The following TENM2 variants were observed in gnomAD, a reference collection of about 807,000 sequenced individuals.
TENM2 encodes the protein teneurin transmembrane protein 2.
Under a neutral mutation model 245.2 loss-of-function variants are expected in TENM2, and 52 were observed. The observed-to-expected ratio is 0.21, with a 90% CI of 0.17 to 0.27. The LOEUF (loss-of-function observed/expected upper bound fraction) is 0.27. Among genes scored for constraint, TENM2 ranks in the 10% least tolerant of loss-of-function variants. TENM2 has a pLI of 1.00. For missense variants in TENM2, 3,046 were observed against 3,666.8 expected (o/e 0.83, Z 4.37); for synonymous variants, 1,363 against 1,438.9 (o/e 0.95, Z 1.19).
At chr5:168,047,118 G>A (rs376503227) in intron 5 of TENM2, among the ~76,000 whole-genome samples, 9 of 152,130 alleles carry the variant, frequency 5.9e-5, no homozygotes, top group East Asian at 1.9e-4. Context: ...ACAGTGATTC[G>A]AAAGGGCCAT....
intron 1 of TENM2, among the ~76,000 whole-genome samples, chr5:167,345,577 A>G (rs913644053): frequency 1.3e-5 from 2 of 152,208 alleles, no homozygotes; most frequent in African/African-American, 4.8e-5. Flanking sequence ...GAATACTTGA[A>G]GAGAGATATG....
rs531420566 is a variant in TENM2, at chr5:168,130,913, T to A, written c.2422+3947T>A. ...TCAAAAAAAATACTGGTACCTAACA[T>A]CAAAAGGCCATGCAAAGCCTGTAAC... On this transcript the variant is annotated intron_variant, in intron 12 of 28. Transcript: ENST00000518659. Among the ~76,000 whole-genome samples the A allele has an allele frequency of 4.6e-5, 7 of 152,022 alleles. No homozygotes were observed. The South Asian group carries it at 1.3e-3, about 27-fold the overall frequency.
intron 2 of TENM2, among the ~76,000 whole-genome samples, chr5:167,514,384 C>T (rs895621436): frequency 6.6e-6 from 1 of 152,130 alleles, no homozygotes; most frequent in Non-Finnish European, 1.5e-5. Flanking sequence ...TCTCTGCTGT[C>T]ATATTAATTT....
chr5:167,782,112 G>C (rs749378621), intron 2 of TENM2, among the ~76,000 whole-genome samples: 1 of 151,816 alleles, frequency 6.6e-6, no homozygotes, highest in Non-Finnish European at 1.5e-5. Context: ...TTGGGAGTTC[G>C]AGACCAGCCT....
intron 5 of TENM2, among the ~76,000 whole-genome samples, chr5:167,996,037 A>G (rs1021609195): frequency 3.3e-5 from 5 of 152,142 alleles, no homozygotes; most frequent in African/African-American, 9.7e-5. Context: ...CAGGACCTTT[A>G]TGGGCAGGCA....
chr5:167,264,782 C>G, the TENM2 span, among the ~76,000 whole-genome samples: 1 of 152,138 alleles, frequency 6.6e-6, no homozygotes, highest in Non-Finnish European at 1.5e-5. Flanking sequence ...TTCTTCAGCA[C>G]TTTACACACT....
At chr5:167,648,929 T>C (rs61567681) in intron 2 of TENM2, among the ~76,000 whole-genome samples, 22,446 of 152,118 alleles carry the variant, frequency 0.15, 1,751 homozygotes, top group South Asian at 0.23. Flanking sequence ...CCCTCCCTAG[T>C]AGCGGCCCAG....
intron 2 of TENM2, among the ~76,000 whole-genome samples, chr5:167,825,628 C>T (rs1430032718): frequency 7.2e-5 from 11 of 152,174 alleles, no homozygotes; most frequent in Admixed American, 7.2e-4. Flanking sequence ...CCTCCCAGGA[C>T]AGACTTGCGA....
chr5:167,149,436 T>G, the TENM2 span, among the ~76,000 whole-genome samples: 1 of 151,542 alleles, frequency 6.6e-6, no homozygotes, highest in Non-Finnish European at 1.5e-5. Context: ...GTGGAATATT[T>G]TAAAGAAGAT....
rs112010521 is a variant in TENM2 at position 167,431,961 on chromosome 5, G to GTATATATA, written c.502+56498_502+56505dup. Among the ~76,000 whole-genome samples, 426 of 43,572 alleles carry GTATATATA rather than the reference G, an allele frequency of 9.8e-3. 9 individuals are homozygous for GTATATATA. Among genetic ancestry groups the GTATATATA allele is most frequent in the African/African-American group, 0.021 (415 of 19,730 alleles). The allele number at this position is 43,572 out of a possible 152,430, so 28.6% of individuals were successfully genotyped here. A position where few individuals can be genotyped will look rare whatever the true frequency, so the allele number is the denominator to read the frequency against. ...TATACATATATATGTATATATATAT[G>GTATATATA]TATATATATATATATATGGAAGTTC... On this transcript the variant is annotated intron_variant, in intron 2 of 28. Coordinates refer to ENST00000518659, the Ensembl canonical transcript of TENM2.
intron 1 of TENM2, among the ~76,000 whole-genome samples, chr5:167,351,150 GGATTATATATATATGGGATATATACATA>G (rs1758882699): frequency 7.6e-6 from 1 of 131,888 alleles, no homozygotes; most frequent in East Asian, 2.7e-4. Context: ...ATATACATAT[GGATTATATATATATGGGATATATACATA>G]TGGGATATAT....
At chr5:168,138,685 G>A (rs550451692) in intron 12 of TENM2, among the ~76,000 whole-genome samples, 2 of 152,294 alleles carry the variant, frequency 1.3e-5, no homozygotes, top group South Asian at 2.1e-4. Flanking sequence ...TCCATTTGCT[G>A]GTTTTAAGAA....
At chr5:167,136,951 T>A in the TENM2 span, among the ~76,000 whole-genome samples, 18 of 152,338 alleles carry the variant, frequency 1.2e-4, no homozygotes, top group Admixed American at 5.2e-4. Flanking sequence ...AATTTATTTC[T>A]CACAGTTCTA....
chr5:167,041,873 A>T, the TENM2 span, among the ~76,000 whole-genome samples: 2 of 152,124 alleles, frequency 1.3e-5, no homozygotes, highest in African/African-American at 4.8e-5. Flanking sequence ...GAAGGTAATT[A>T]GTCTGAGCCC....
chr5:168,046,320 C>T (rs183516521), intron 5 of TENM2, among the ~76,000 whole-genome samples: 109 of 152,288 alleles, frequency 7.2e-4, no homozygotes, highest in Non-Finnish European at 1.3e-3. Flanking sequence ...CCCTTTCTCT[C>T]CTGCGGTGGT....
intron 2 of TENM2, among the ~76,000 whole-genome samples, chr5:167,718,213 A>C (rs1374883533): frequency 1.3e-5 from 2 of 152,136 alleles, no homozygotes. Context: ...ATGTTTTTCC[A>C]TGTCTTCCTA....
At chr5:167,993,569 C>T (rs987144832) in intron 5 of TENM2, among the ~76,000 whole-genome samples, 4 of 152,220 alleles carry the variant, frequency 2.6e-5, no homozygotes, top group South Asian at 2.1e-4. Context: ...TAACTTCAGC[C>T]AAAAACTGAA....
At chr5:168,193,112 C>T (rs1046240532) in intron 14 of TENM2, among the ~76,000 whole-genome samples, 9 of 152,160 alleles carry the variant, frequency 5.9e-5, no homozygotes, top group African/African-American at 2.2e-4. Context: ...TTAGAGAAAG[C>T]GTCTCGGAAG....
intron 2 of TENM2, chr5:167,574,096 GA>G (rs1774476168): frequency 6.6e-6 from 1 of 152,122 alleles, no homozygotes; most frequent in Non-Finnish European, 1.5e-5. Context: ...TTGTAATTGA[GA>G]AAGGCATCCG....
Sources: gnomAD v4.1 joint callset for allele counts (sites outside exome capture counted in the v4.1 genomes callset) on GRCh38, gnomAD v4.1.1 for gene constraint, MANE v1.5 for transcripts, NCBI Gene and HGNC (gene_info 2026-07-23, HGNC 2026-07-21) for gene names.